The following GRAMD2B variants were observed in gnomAD, a reference collection of about 807,000 sequenced individuals.
GRAMD2B encodes GRAM domain-containing protein 2B.
Under a neutral mutation model 59.2 loss-of-function variants are expected in GRAMD2B, and 41 were observed. The ratio of observed to expected loss-of-function variants is 0.69; its 90% CI spans 0.54 to 0.90. The LOEUF (loss-of-function observed/expected upper bound fraction) is 0.90, where lower values mean the gene tolerates loss of function less well. Among genes scored for constraint, GRAMD2B ranks in the 40% least tolerant of loss-of-function variants. The probability of loss-of-function intolerance (pLI) is 0.00; values close to 1 mark genes in which losing one functional copy is unlikely to be tolerated. For missense variants in GRAMD2B, 424 were observed against 500.5 expected (o/e 0.85, Z 1.46); for synonymous variants, 161 against 182.7 (o/e 0.88, Z 0.96).
intron 6 of GRAMD2B, among the ~76,000 whole-genome samples, chr5:126,479,449 G>A (rs1771291323): frequency 6.6e-6 from 1 of 152,108 alleles, no homozygotes; most frequent in South Asian, 2.1e-4. Flanking sequence ...ATCTATTTGG[G>A]GATTTTTTAG....
chr5:126,428,477 T>C (rs920144488), intron 1 of GRAMD2B, among the ~76,000 whole-genome samples: 2 of 152,152 alleles, frequency 1.3e-5, no homozygotes, highest in African/African-American at 4.8e-5. Context: ...GAAAAAAATA[T>C]ATAGTGAACC....
At chr5:126,413,260 T>C (rs1458827122) in intron 1 of GRAMD2B, among the ~76,000 whole-genome samples, 1 of 152,166 alleles carries the variant, frequency 6.6e-6, no homozygotes, top group Non-Finnish European at 1.5e-5. Flanking sequence ...ACTTTCCTTT[T>C]AACATTGCTT....
At position 126,465,942 on chromosome 5, in the gene GRAMD2B, C is replaced by T. The variant is rs990123801; in HGVS notation, c.203+397C>T. On this transcript the variant is annotated intron_variant, in intron 2 of 13. Transcript: ENST00000285689. ...AAGAATCCCCATCCCGGGGACCCAC[C>T]AGGCCACCAGTTTCCTGTGACAGAC... Among the ~76,000 whole-genome samples, 81 of 152,138 alleles carry T rather than the reference C, an allele frequency of 5.3e-4. 2 individuals carry two copies. The highest frequency in any genetic ancestry group is 1.5e-4 in the Non-Finnish European group (10 of 68,026).
chr5:126,373,298 T>C (rs2149693879), intron 1 of GRAMD2B, among the ~76,000 whole-genome samples: 1 of 152,316 alleles, frequency 6.6e-6, no homozygotes, highest in Admixed American at 6.5e-5. Flanking sequence ...TGGTTAAATC[T>C]TTGAGATAAA....
At chr5:126,376,847 C>T (rs10477669) in intron 1 of GRAMD2B, among the ~76,000 whole-genome samples, 2,303 of 152,112 alleles carry the variant, frequency 0.015, 51 homozygotes, top group African/African-American at 0.053. Flanking sequence ...GACCTATGAA[C>T]TCTGCAGAGC....
intron 1 of GRAMD2B, chr5:126,465,087 G>T: frequency 8.8e-7 from 1 of 1,139,110 alleles, no homozygotes; most frequent in South Asian, 2.7e-5. Context: ...GTACATGTGC[G>T]TGTGTGCTTG....
chr5:126,431,913 C>G lies in GRAMD2B; in HGVS notation c.83+8224C>G, dbSNP rs968056322. ...GAGGTTTTGACATGGCTCTTCTTCC[C>G]TAATGGGGATTTTTGTTTTGTTTTG... is the stretch of plus-strand genomic sequence containing the variant. On this transcript the variant is annotated intron_variant, in intron 1 of 13. Coordinates refer to ENST00000285689, the MANE Select transcript of GRAMD2B (RefSeq NM_023927.4). Among the ~76,000 whole-genome samples the G allele has an allele frequency of 1.5e-4, 23 of 152,144 alleles. No individual in the cohort carries two copies. The East Asian group carries it at 4.4e-3, about 29-fold the overall frequency.
At chr5:126,492,032 T>A (rs1774031852) in intron 13 of GRAMD2B, among the ~76,000 whole-genome samples, 1 of 152,188 alleles carries the variant, frequency 6.6e-6, no homozygotes. Context: ...AGCACCCGGC[T>A]TCTATGAATT....
chr5:126,394,718 A>G (rs1327822691), intron 1 of GRAMD2B, among the ~76,000 whole-genome samples: 2 of 152,216 alleles, frequency 1.3e-5, no homozygotes, highest in Non-Finnish European at 2.9e-5. Context: ...TTAGATTCTG[A>G]TGGTGTGATT....
chr5:126,418,028 C>A (rs1759405786), intron 1 of GRAMD2B, among the ~76,000 whole-genome samples: 2 of 152,138 alleles, frequency 1.3e-5, no homozygotes, highest in Non-Finnish European at 2.9e-5. Flanking sequence ...AGAAAGAACA[C>A]AAATATATTA....
At chr5:126,368,876 G>C (rs1043498354), upstream of GRAMD2B, among the ~76,000 whole-genome samples, 1 of 152,098 alleles carries the variant, frequency 6.6e-6, no homozygotes, top group African/African-American at 2.4e-5. Flanking sequence ...CGTAACACCC[G>C]GCTGACTGGA....
At chr5:126,458,083 C>T (rs1766656350) in intron 1 of GRAMD2B, among the ~76,000 whole-genome samples, 1 of 152,064 alleles carries the variant, frequency 6.6e-6, no homozygotes, top group Admixed American at 6.6e-5. Flanking sequence ...TCTTTTCTTT[C>T]AGACTTCAAG....
At chr5:126,431,692 G>A (rs1333946798) in intron 1 of GRAMD2B, among the ~76,000 whole-genome samples, 3 of 152,182 alleles carry the variant, frequency 2.0e-5, no homozygotes, top group African/African-American at 7.2e-5. Context: ...TGGAGAAAGT[G>A]AGTAAAGAGA....
intron 1 of GRAMD2B, among the ~76,000 whole-genome samples, chr5:126,463,397 T>C (rs1767717116): frequency 6.6e-6 from 1 of 152,232 alleles, no homozygotes; most frequent in Non-Finnish European, 1.5e-5. Flanking sequence ...TGTTTGTGTC[T>C]TGGGGGAAGC....
chr5:126,483,641 TA>T (rs1052941011), intron 9 of GRAMD2B, 67 bp downstream of exon 9: 11,782 of 528,028 alleles, frequency 0.022, no homozygotes, highest in South Asian at 0.04. Context: ...CCCACCCCCT[TA>T]AAAAAAAAAA....
intron 1 of GRAMD2B, among the ~76,000 whole-genome samples, chr5:126,434,632 C>A (rs1478317899): frequency 6.6e-6 from 1 of 152,104 alleles, no homozygotes; most frequent in Non-Finnish European, 1.5e-5. Context: ...ATTCACCTGC[C>A]TCAGCCTCCC....
At chr5:126,485,560 T>A (rs1192492114) in intron 10 of GRAMD2B, 126 bp from the exon 11 acceptor site, 1 of 600,156 alleles carries the variant, frequency 1.7e-6, no homozygotes, top group African/African-American at 1.9e-5. Flanking sequence ...CTGGGAGACT[T>A]GATATTTTCT....
At chr5:126,427,065 A>C (rs1760733434) in intron 1 of GRAMD2B, among the ~76,000 whole-genome samples, 1 of 152,082 alleles carries the variant, frequency 6.6e-6, no homozygotes, top group African/African-American at 2.4e-5. Context: ...TTTTTTTGAC[A>C]CACATTTTTG....
At chr5:126,368,186 T>C (rs1010215858), upstream of GRAMD2B, among the ~76,000 whole-genome samples, 3 of 152,260 alleles carry the variant, frequency 2.0e-5, no homozygotes, top group African/African-American at 7.2e-5. Context: ...TATAGTTATA[T>C]TTACATAAAC....
Sources: gnomAD v4.1 joint callset for allele counts (sites outside exome capture counted in the v4.1 genomes callset) on GRCh38, gnomAD v4.1.1 for gene constraint, MANE v1.5 for transcripts, NCBI Gene and HGNC (gene_info 2026-07-23, HGNC 2026-07-21) for gene names.